The following SH2B2 variants were observed in gnomAD, a reference collection of about 807,000 sequenced individuals.
SH2B2 encodes the protein SH2B adapter protein 2.
SH2B2 carries 37 observed loss-of-function variants against 35.7 expected under a neutral mutation model. That is an observed-to-expected ratio of 1.04 (90% confidence interval 0.80 to 1.36). SH2B2 has a LOEUF of 1.36. Ranked by LOEUF, SH2B2 falls within the 40% of genes most tolerant of loss-of-function variation. The probability of loss-of-function intolerance (pLI) is 0.00; values close to 1 mark genes in which losing one functional copy is unlikely to be tolerated. For missense variants in SH2B2, 852 were observed against 817.7 expected (o/e 1.04, Z -0.51); for synonymous variants, 383 against 376.4 (o/e 1.02, Z -0.20).
rs1554558519 is a variant in SH2B2, at chr7:102,321,397, C to CCGCCTGCCT, written c.1671_1679dup (p.Ala558_Pro560dup). ...CTCCAGCCTCGCCGCGGCCGCCTGC[C>CCGCCTGCCT]CGCCTGCCTCGCCCTCCGACGCCGC... On this transcript the variant is annotated inframe_insertion, in exon 9 of 9. Transcript: ENST00000444095. 2.9e-6 allele frequency: 4 copies of CCGCCTGCCT among 1,376,486 alleles called. No homozygotes were observed. The highest frequency in any genetic ancestry group is 3.0e-5 in the African/African-American group (2 of 65,624). The allele number at this position is 1,376,486 out of a possible 1,614,324, so 85.3% of individuals were successfully genotyped here. A position where few individuals can be genotyped will look rare whatever the true frequency, so the allele number is the denominator to read the frequency against.
At chr7:102,301,795 A>G (rs1793208580) in intron 2 of SH2B2, among the ~76,000 whole-genome samples, 2 of 151,438 alleles carry the variant, frequency 1.3e-5, no homozygotes, top group Non-Finnish European at 2.9e-5. Flanking sequence ...CTGGTCCTGA[A>G]CTCCTTACCT....
chr7:102,305,878 T>C (rs1554554721), intron 2 of SH2B2, among the ~76,000 whole-genome samples: 1 of 143,466 alleles, frequency 7.0e-6, no homozygotes, highest in Non-Finnish European at 1.5e-5. Flanking sequence ...TAGGAGGAGG[T>C]CCTTTTTTTT....
intron 1 of SH2B2, among the ~76,000 whole-genome samples, chr7:102,287,698 C>T (rs1010680428): frequency 7.9e-5 from 12 of 152,182 alleles, no homozygotes; most frequent in Non-Finnish European, 1.8e-4. Context: ...GGTTCGTGCC[C>T]TCCATTCAGG....
intron 1 of SH2B2, among the ~76,000 whole-genome samples, chr7:102,296,452 G>A (rs1341694146): frequency 6.6e-6 from 1 of 152,208 alleles, no homozygotes; most frequent in African/African-American, 2.4e-5. Context: ...TCCTTAGACA[G>A]GGACTCCCCA....
At chr7:102,294,748 C>T (rs1407909099) in intron 1 of SH2B2, among the ~76,000 whole-genome samples, 4 of 152,176 alleles carry the variant, frequency 2.6e-5, no homozygotes, top group African/African-American at 7.2e-5. Flanking sequence ...GAACCATGTC[C>T]GGGCCTCCCT....
At chr7:102,310,088 G>T (rs1793561952) in intron 4 of SH2B2, among the ~76,000 whole-genome samples, 1 of 152,218 alleles carries the variant, frequency 6.6e-6, no homozygotes, top group African/African-American at 2.4e-5. Context: ...GGCCGAGGCA[G>T]GCGGATCACC....
chr7:102,317,277 A>G lies in SH2B2; in HGVS notation c.1277A>G (p.Lys426Arg), dbSNP rs782326052. 172 of 1,613,644 alleles carry G rather than the reference A, an allele frequency of 1.1e-4. No individual in the cohort carries two copies. The highest frequency in any genetic ancestry group is 1.4e-4 in the Non-Finnish European group (164 of 1,179,756). ...PWFHGTLSRV[K>R]AAQLVLAGGP... ...TTCCACGGGACACTGTCCCGGGTCA[A>G]GGCTGCTCAACTGGTTCTGGCAGGG... The change falls in exon 7 of 9, where the codon AAG (lysine) becomes AGG (arginine). Residue 426 changes from lysine (K) to arginine (R), a missense_variant. By Grantham distance (26) the Lys-to-Arg change is conservative (BLOSUM62 2). This residue lies in a region of SH2B2 where 556 missense variants were observed against 514.5 expected (regional missense o/e 1.08). Transcript: ENST00000444095.
chr7:102,300,681 G>C lies in SH2B2; in HGVS notation c.131G>C (p.Arg44Pro). The change falls in exon 2 of 9, where the codon CGT becomes CCT. Residue 44 changes from arginine (R) to proline (P), a missense_variant. This residue lies in a region of SH2B2 where 294 missense variants were observed against 286.6 expected (regional missense o/e 1.03). Transcript: ENST00000444095. ...GTGGACTTTGCGCACAAGTTCTGCC[G>C]TTTCCTGCGGGACAACCCAGCTTAC... ...AAVDFAHKFC[R>P]FLRDNPAYDT... is the part of the protein sequence containing the mutation. 6.5e-7 allele frequency: 1 copy of C among 1,547,312 alleles called. No individual in the cohort carries two copies. Among genetic ancestry groups the C allele is most frequent in the Non-Finnish European group, 8.7e-7 (1 of 1,143,970 alleles).
rs1455824179 is a variant in SH2B2 at position 102,309,057 on chromosome 7, C to G, written c.923+151C>G. 2.3e-5 allele frequency: 17 copies of G among 746,104 alleles called. No individual in the cohort carries two copies. The East Asian group carries it at 4.0e-4, about 18-fold the overall frequency. 46.2% of individuals were successfully genotyped at this position (746,104 alleles called of 1,614,324 possible). ...CAGGTTGGTGCCAGCCAGGATCACCCTCCTTTAAAATACCCCCTACCTCCA... is the reference window on the plus strand; with the variant it reads ...CAGGTTGGTGCCAGCCAGGATCACCGTCCTTTAAAATACCCCCTACCTCCA... On this transcript the variant is annotated intron_variant, in intron 4 of 8. Transcript: ENST00000444095.
chr7:102,304,985 G>A (rs554883948), intron 2 of SH2B2, among the ~76,000 whole-genome samples: 5 of 152,366 alleles, frequency 3.3e-5, no homozygotes, highest in Admixed American at 6.5e-5. Context: ...CCCCAAGGGG[G>A]CCTCAGGCTC....
At chr7:102,285,162 G>T, upstream of SH2B2, 2 of 1,550,226 alleles carry the variant, frequency 1.3e-6, no homozygotes, top group South Asian at 1.2e-5. Flanking sequence ...CCTGGGGATG[G>T]ATCCAAGCTA....
In SH2B2 at chr7:102,300,887, G is replaced by A. The variant is rs114279535; in HGVS notation, c.337G>A (p.Gly113Ser). The change falls in exon 2 of 9, where the codon GGC (glycine) becomes AGC (serine). Residue 113 changes from glycine to serine, a missense_variant. Physicochemically the swap from Gly to Ser is moderately conservative, Grantham distance 56. Around this residue, in one of 3 missense-constraint regions of SH2B2, gnomAD observed 294 missense variants for 286.6 expected, o/e 1.03. Coordinates refer to ENST00000444095, the MANE Select transcript of SH2B2 (RefSeq NM_001359228.2). ...CTCTGCACTCAAGGCGGCGCCCTACGGCCACTCGCGGAGCTCGGAGGACGT... is the reference window on the plus strand; with the variant it reads ...CTCTGCACTCAAGGCGGCGCCCTACAGCCACTCGCGGAGCTCGGAGGACGT... ...DTSALKAAPYGHSRSSEDVST... is the reference protein window; with the variant it reads ...DTSALKAAPYSHSRSSEDVST... 3 of 1,467,002 alleles carry A rather than the reference G, an allele frequency of 2.0e-6. No individual in the cohort carries two copies. The highest frequency in any genetic ancestry group is 1.3e-5 in the South Asian group (1 of 74,100). The allele number at this position is 1,467,002 out of a possible 1,614,324, so 90.9% of individuals were successfully genotyped here.
upstream of SH2B2, among the ~76,000 whole-genome samples, chr7:102,286,589 G>C (rs2132875635): frequency 6.6e-6 from 1 of 152,008 alleles, no homozygotes; most frequent in South Asian, 2.1e-4. Flanking sequence ...GGCGACATGG[G>C]GACCCCCGCC....
chr7:102,300,292 A>G (rs535201203), intron 1 of SH2B2, among the ~76,000 whole-genome samples: 49 of 152,180 alleles, frequency 3.2e-4, no homozygotes, highest in Middle Eastern at 3.4e-3. Context: ...GGCCTCCCAA[A>G]GTGCTGGGAT....
chr7:102,298,839 A>G (rs1414138662), intron 1 of SH2B2, among the ~76,000 whole-genome samples: 1 of 151,266 alleles, frequency 6.6e-6, no homozygotes, highest in African/African-American at 2.4e-5. Context: ...AAGTGCTGGA[A>G]TTACAGGCCA....
chr7:102,314,435 G>A lies in SH2B2; in HGVS notation c.1015+8G>A, dbSNP rs1793740742. The stretch of plus-strand genomic sequence containing the variant: ...GTGAGCTCCTGACTGATGGTAGGTA[G>A]GGGGACAGGGTTGAAGGAGGGGCAC... On this transcript the variant is annotated splice_region_variant and intron_variant, in intron 5 of 8. Transcript: ENST00000444095. 2.5e-6 allele frequency: 1 copy of A among 397,126 alleles called. No homozygotes were observed. Among genetic ancestry groups the A allele is most frequent in the African/African-American group, 2.1e-5 (1 of 47,266 alleles). The allele number at this position is 397,126 out of a possible 1,614,324, so 24.6% of individuals were successfully genotyped here. A position where few individuals can be genotyped will look rare whatever the true frequency, so the allele number is the denominator to read the frequency against.
intron 2 of SH2B2, among the ~76,000 whole-genome samples, chr7:102,305,951 G>A (rs1253047287): frequency 2.1e-5 from 3 of 140,076 alleles, no homozygotes. Context: ...TGGGGGTATA[G>A]TGGTGCCATC....
upstream of SH2B2, among the ~76,000 whole-genome samples, chr7:102,286,324 T>C (rs1167384420): frequency 6.6e-6 from 1 of 152,078 alleles, no homozygotes; most frequent in Admixed American, 6.5e-5. Context: ...AGGCGTCGAC[T>C]TCCTCCGTTG....
At chr7:102,317,446 AG>A (rs1192060862) in intron 7 of SH2B2, 51 bp downstream of exon 7, 1 of 1,472,870 alleles carries the variant, frequency 6.8e-7, no homozygotes, top group African/African-American at 1.4e-5. Context: ...CCTGAGGGAG[AG>A]GGGTCATGGT....
Sources: gnomAD v4.1 joint callset for allele counts (sites outside exome capture counted in the v4.1 genomes callset) on GRCh38, gnomAD v4.1.1 for gene constraint, gnomAD v4.1.1 regional missense constraint, MANE v1.5 for transcripts, NCBI Gene and HGNC (gene_info 2026-07-23, HGNC 2026-07-21) for gene names.